Variants in ACOT7 observed in about 807,000 individuals in gnomAD.
The protein encoded by ACOT7 is acyl-CoA thioesterase 7, also known as cytosolic acyl coenzyme A thioester hydrolase.
Under a neutral mutation model 40.2 loss-of-function variants are expected in ACOT7, and 12 were observed. The observed-to-expected ratio is 0.30, with a 90% CI of 0.19 to 0.48. ACOT7 has a LOEUF of 0.48. Ranked by LOEUF, ACOT7 falls within the 20% of genes least tolerant of loss-of-function variation. ACOT7 has a pLI of 0.99. For missense variants in ACOT7, 395 were observed against 530.8 expected, an observed-to-expected ratio of 0.74 and a Z score of 2.51; for synonymous variants, 228 against 219.5, an observed-to-expected ratio of 1.04 and a Z score of -0.34.
chr1:6,347,671 G>A (rs781606360), intron 2 of ACOT7, among the ~76,000 whole-genome samples: 1 of 152,038 alleles, frequency 6.6e-6, no homozygotes, highest in Non-Finnish European at 1.5e-5. Context: ...GGAAGCTGAG[G>A]CAGGAGAATC....
At chr1:6,373,953 T>C (rs1421865696) in intron 1 of ACOT7, among the ~76,000 whole-genome samples, 1 of 152,180 alleles carries the variant, frequency 6.6e-6, no homozygotes, top group Non-Finnish European at 1.5e-5. Flanking sequence ...AACTGAATAC[T>C]TTCCATATGT....
At chr1:6,326,561 C>T (rs903870179) in intron 5 of ACOT7, among the ~76,000 whole-genome samples, 4 of 152,134 alleles carry the variant, frequency 2.6e-5, no homozygotes, top group African/African-American at 4.8e-5. Flanking sequence ...ACAGTGGGGC[C>T]GGGAAGAAGT....
intron 7 of ACOT7, among the ~76,000 whole-genome samples, chr1:6,290,766 C>T (rs1202277361): frequency 1.3e-5 from 2 of 152,136 alleles, no homozygotes; most frequent in African/African-American, 2.4e-5. Context: ...GAGGAAAGGC[C>T]CTGGTCCTTC....
chr1:6,332,367 GAGA>G (rs955348647), intron 4 of ACOT7, among the ~76,000 whole-genome samples: 53 of 152,316 alleles, frequency 3.5e-4, no homozygotes, highest in African/African-American at 1.1e-3. Flanking sequence ...TGGGGCACAG[GAGA>G]AGGAGGCGAG....
Position 6,338,886 on chromosome 1 carries a change from G to C in ACOT7, c.418+547C>G, listed in dbSNP as rs1641183888. Among the ~76,000 whole-genome samples the C allele has an allele frequency of 6.6e-6, 1 of 152,198 alleles. No individual in the cohort carries two copies. Among genetic ancestry groups the C allele is most frequent in the Non-Finnish European group, 1.5e-5 (1 of 68,022 alleles). On this transcript the variant is annotated intron_variant, in intron 3 of 8. Coordinates refer to ENST00000361521, the MANE Select transcript of ACOT7 (RefSeq NM_007274.4). This position sits in a 1 kb window ranked among gnomAD's most constrained non-coding sequence, Gnocchi z 4.4. ...GAGCCGCCCCCTCCTGCAGCGCCCA[G>C]TGGGAAGGGGAAGGGGGTTTCCATG...
At chr1:6,324,727 G>C (rs891166591) in intron 5 of ACOT7, among the ~76,000 whole-genome samples, 14 of 152,188 alleles carry the variant, frequency 9.2e-5, no homozygotes, top group African/African-American at 3.4e-4. Flanking sequence ...CTTTGTGTTA[G>C]GCTAGACATA....
At chr1:6,373,019 C>A (rs1642161033) in intron 1 of ACOT7, among the ~76,000 whole-genome samples, 3 of 152,186 alleles carry the variant, frequency 2.0e-5, no homozygotes, top group Admixed American at 2.0e-4. Context: ...AGTCAGAACA[C>A]ATACAACATT....
In ACOT7 at chr1:6,366,590, T is replaced by TAAAA. The variant is rs571854842; in HGVS notation, c.144-16728_144-16725dup. 4.4e-5 allele frequency among the ~76,000 whole-genome samples: 4 copies of TAAAA among 90,872 alleles called. No homozygotes were observed. In the South Asian group the frequency reaches 1.0e-3, roughly 24 times the overall value. The allele number at this position is 90,872 out of a possible 152,430, so 59.6% of individuals were successfully genotyped here. The stretch of plus-strand genomic sequence containing the variant: ...TGACAGAGTGGGAGCCTATCTCAAA[T>TAAAA]AAAAAAAAAAAAAAAGATTTCTCTG... On this transcript the variant is annotated intron_variant, in intron 1 of 8. Coordinates refer to ENST00000361521, the MANE Select transcript of ACOT7 (RefSeq NM_007274.4).
intron 8 of ACOT7, among the ~76,000 whole-genome samples, chr1:6,270,740 G>A (rs930168237): frequency 5.9e-5 from 9 of 152,146 alleles, no homozygotes; most frequent in African/African-American, 1.9e-4. Context: ...ATGTGTCTGC[G>A]GTCCCTGGTG....
intron 6 of ACOT7, 40 bp downstream of exon 6, chr1:6,318,452 A>G: frequency 6.3e-7 from 1 of 1,596,566 alleles, no homozygotes; most frequent in Non-Finnish European, 8.6e-7. Flanking sequence ...ACAATGAGCC[A>G]AGGGACAGGA....
chr1:6,385,879 T>C, intron 1 of ACOT7: 2 of 1,352,768 alleles, frequency 1.5e-6, no homozygotes, highest in Non-Finnish European at 1.9e-6. Flanking sequence ...CAGGATGTTC[T>C]CTACAAAAGA....
At chr1:6,265,679 T>A (rs1233057883) in intron 8 of ACOT7, among the ~76,000 whole-genome samples, 1 of 152,182 alleles carries the variant, frequency 6.6e-6, no homozygotes, top group Admixed American at 6.5e-5. Context: ...TGATGTCCCA[T>A]CTGTCCCAAC....
intron 1 of ACOT7, among the ~76,000 whole-genome samples, chr1:6,376,510 C>T (rs1194945635): frequency 2.0e-5 from 3 of 151,466 alleles, no homozygotes; most frequent in South Asian, 2.1e-4. Context: ...GGGTGGATCA[C>T]GAGGTCAGGA....
chr1:6,367,678 C>T (rs1363740804), intron 1 of ACOT7, among the ~76,000 whole-genome samples: 1 of 152,162 alleles, frequency 6.6e-6, no homozygotes, highest in East Asian at 1.9e-4. Context: ...ACTGCAGGGC[C>T]CCAAAGAGGG....
Position 6,374,675 on chromosome 1 carries a change from C to T in ACOT7, c.143+18582G>A, listed in dbSNP as rs563547967. On this transcript the variant is annotated intron_variant, in intron 1 of 8. Coordinates refer to ENST00000361521, the MANE Select transcript of ACOT7 (RefSeq NM_007274.4). ...CCTGCCACACACCCCTAGGTCACTG[C>T]GCCTGGAGGGCCTCAGTGTCTTCAC... Among the ~76,000 whole-genome samples the T allele has an allele frequency of 5.3e-5, 8 of 152,304 alleles. No homozygotes were observed. In the East Asian group the frequency reaches 1.2e-3, roughly 22 times the overall value.
chr1:6,385,104 C>T (rs1019700641), intron 1 of ACOT7, among the ~76,000 whole-genome samples: 2 of 151,900 alleles, frequency 1.3e-5, no homozygotes, highest in Admixed American at 6.5e-5. Context: ...CCTGCACCAA[C>T]CTTCTGGTCT....
At position 6,349,740 on chromosome 1, in the gene ACOT7, G is replaced by C. The variant is rs1235932201; in HGVS notation, c.261+9C>G. 3 of 1,611,180 alleles carry C rather than the reference G, an allele frequency of 1.9e-6. No homozygotes were observed. In the Admixed American group the frequency reaches 5.0e-5, roughly 27 times the overall value. ...CCAGGGCCCAGAGGTATGGGGCCCA[G>C]ACCCTTACCCCGTTCTGGCTGTTGC... On this transcript the variant is annotated intron_variant, in intron 2 of 8. Transcript: ENST00000361521.
rs758601616 is a variant in ACOT7 at position 6,282,741 on chromosome 1, A to G, written c.830-1455T>C. 3.8e-6 allele frequency: 5 copies of G among 1,304,158 alleles called. No homozygotes were observed. The highest frequency in any genetic ancestry group is 5.1e-6 in the Non-Finnish European group (5 of 988,958). 80.8% of individuals were successfully genotyped at this position (1,304,158 alleles called of 1,614,324 possible). ...ATACTTACAGGGAGCACTTCGTGCCAGTGCTGGGAGAGGAGGAAGGAGCTG... is the reference window on the plus strand; with the variant it reads ...ATACTTACAGGGAGCACTTCGTGCCGGTGCTGGGAGAGGAGGAAGGAGCTG... On this transcript the variant is annotated intron_variant, in intron 7 of 8. Coordinates refer to ENST00000361521, the MANE Select transcript of ACOT7 (RefSeq NM_007274.4). The surrounding 1 kb of genome is among the most constrained non-coding windows in gnomAD (Gnocchi z 4.5).
In ACOT7 at chr1:6,379,535, T is replaced by C. The variant is rs181596472; in HGVS notation, c.143+13722A>G. On this transcript the variant is annotated intron_variant, in intron 1 of 8. Coordinates refer to ENST00000361521, the MANE Select transcript of ACOT7 (RefSeq NM_007274.4). ...TGCAGTGCTGTGGTCTCTAACTCACTTCACTGCAGCCTTGACTTCCCAGGC... is the reference window on the plus strand; with the variant it reads ...TGCAGTGCTGTGGTCTCTAACTCACCTCACTGCAGCCTTGACTTCCCAGGC... Among the ~76,000 whole-genome samples, 3 of 151,584 alleles carry C rather than the reference T, an allele frequency of 2.0e-5. 1 individual carries two copies. Among genetic ancestry groups the C allele is most frequent in the East Asian group, 3.9e-4 (2 of 5,156 alleles).
Sources: allele counts gnomAD v4.1 joint callset (sites outside exome capture counted in the v4.1 genomes callset), GRCh38; gene constraint gnomAD v4.1.1; non-coding constraint Gnocchi (gnomAD v3.1); transcripts MANE v1.5; gene names NCBI Gene and HGNC (gene_info 2026-07-23, HGNC 2026-07-21).